BACE2: variants seen among roughly 807,000 people sequenced by gnomAD.
BACE2 encodes beta-secretase 2.
In BACE2, 17 loss-of-function variants were observed where a neutral mutation model predicts 46.2. The ratio of observed to expected loss-of-function variants is 0.37; its 90% CI spans 0.25 to 0.55. The LOEUF is 0.55. Ranked by LOEUF, BACE2 falls within the 20% of genes least tolerant of loss-of-function variation. The pLI, the probability that BACE2 is intolerant of heterozygous loss-of-function variation, is 0.82. For missense variants in BACE2, 595 were observed against 698.1 expected, an observed-to-expected ratio of 0.85 and a Z score of 1.66; for synonymous variants, 277 against 295.9, an observed-to-expected ratio of 0.94 and a Z score of 0.66.
At chr21:41,255,338 G>T (rs1355526929) in intron 7 of BACE2, among the ~76,000 whole-genome samples, 1 of 152,154 alleles carries the variant, frequency 6.6e-6, no homozygotes, top group Non-Finnish European at 1.5e-5. Context: ...GGGCCAGATG[G>T]GTCACCCAAG....
chr21:41,226,141 C>CT (rs57826923), intron 1 of BACE2, 125 bp from the exon 2 acceptor site: 75,876 of 701,038 alleles, frequency 0.11, 6,562 homozygotes, highest in African/African-American at 0.43. Context: ...CGTCAGTATA[C>CT]TTTTTTTTTG....
intron 7 of BACE2, among the ~76,000 whole-genome samples, chr21:41,256,635 T>C (rs1314790252): frequency 6.6e-6 from 1 of 152,172 alleles, no homozygotes; most frequent in Non-Finnish European, 1.5e-5. Flanking sequence ...AATTTTTAAT[T>C]TACCTCTAGC....
chr21:41,197,538 T>G (rs1197335615), intron 1 of BACE2, among the ~76,000 whole-genome samples: 2 of 152,164 alleles, frequency 1.3e-5, no homozygotes, highest in East Asian at 3.9e-4. Context: ...ACATCATTAG[T>G]TGATTTCTAC....
At chr21:41,267,789 G>T (rs1456883889) in intron 8 of BACE2, among the ~76,000 whole-genome samples, 1 of 152,044 alleles carries the variant, frequency 6.6e-6, no homozygotes, top group Non-Finnish European at 1.5e-5. Flanking sequence ...TCACATGGTT[G>T]CAGAAAAAAA....
chr21:41,269,417 A>C (rs940596021), intron 8 of BACE2, among the ~76,000 whole-genome samples: 2 of 152,174 alleles, frequency 1.3e-5, no homozygotes, highest in African/African-American at 2.4e-5. Context: ...TAAGTGTTAT[A>C]TGTGTGCGCA....
chr21:41,234,126 C>A (rs768546635), intron 2 of BACE2, among the ~76,000 whole-genome samples: 1 of 152,126 alleles, frequency 6.6e-6, no homozygotes, highest in Non-Finnish European at 1.5e-5. Context: ...ACACTGTCTT[C>A]GTGGCAGTGA....
At position 41,206,934 on chromosome 21, in the gene BACE2, AT is replaced by A. The variant is rs367579784; in HGVS notation, c.313-19331del. ...ATATGCCTTATCTCTTTCTTTTTTT[AT>A]GTTTATTTAAAATTGTGACAAAATT... is the stretch of plus-strand genomic sequence containing the variant. On this transcript the variant is annotated intron_variant, in intron 1 of 8. Transcript: ENST00000330333. Among the ~76,000 whole-genome samples the A allele has an allele frequency of 8.5e-4, 130 of 152,166 alleles. 3 individuals are homozygous for A. The South Asian group carries it at 0.017, about 20-fold the overall frequency.
chr21:41,243,944 C>T (rs78469201), intron 5 of BACE2, among the ~76,000 whole-genome samples: 43 of 152,170 alleles, frequency 2.8e-4, no homozygotes, highest in African/African-American at 1.0e-3. Context: ...GCTAGCCTGG[C>T]CCCCAGAGTA....
In BACE2 at chr21:41,169,449, GAA is replaced by G. The variant is rs34570194; in HGVS notation, c.312+891_312+892del. On this transcript the variant is annotated intron_variant, in intron 1 of 8. Transcript: ENST00000330333. ...CAAATGTTCCCAAGCACAGTGATCT[GAA>G]AAAAAAAAAAAAAAAATCCCAATTG... Among the ~76,000 whole-genome samples, 260 of 129,790 alleles carry G rather than the reference GAA, an allele frequency of 2.0e-3. 1 individual carries two copies. The highest frequency in any genetic ancestry group is 5.7e-3 in the Admixed American group (75 of 13,160). The allele number at this position is 129,790 out of a possible 152,430, so 85.1% of individuals were successfully genotyped here.
At chr21:41,221,090 G>T (rs984002239) in intron 1 of BACE2, among the ~76,000 whole-genome samples, 4 of 148,372 alleles carry the variant, frequency 2.7e-5, no homozygotes, top group Admixed American at 2.7e-4. Flanking sequence ...CATTGTTTTA[G>T]ATTCACTTCA....
intron 2 of BACE2, among the ~76,000 whole-genome samples, chr21:41,228,487 G>A (rs936280444): frequency 3.3e-5 from 5 of 152,226 alleles, no homozygotes; most frequent in African/African-American, 7.2e-5. Context: ...CATGGTGCCA[G>A]GCTCTCAGGC....
intron 8 of BACE2, among the ~76,000 whole-genome samples, chr21:41,265,101 T>G (rs972789976): frequency 6.6e-6 from 1 of 152,182 alleles, no homozygotes; most frequent in African/African-American, 2.4e-5. Flanking sequence ...GGCTAGGTAA[T>G]ATTTAGAAGG....
intron 4 of BACE2, among the ~76,000 whole-genome samples, chr21:41,242,818 T>G (rs780130983): frequency 2.6e-5 from 4 of 152,212 alleles, no homozygotes; most frequent in Non-Finnish European, 5.9e-5. Flanking sequence ...AAGAGAAACC[T>G]CCAAAGCATC....
rs960478108 is a variant in BACE2 at position 41,193,753 on chromosome 21, C to A, written c.312+25178C>A. On this transcript the variant is annotated intron_variant, in intron 1 of 8. Coordinates refer to ENST00000330333, the MANE Select transcript of BACE2 (RefSeq NM_012105.5). This position sits in a 1 kb window ranked among gnomAD's most constrained non-coding sequence, Gnocchi z 4.2. ...TGAGTCCGAGGACCCACTGGACCCA[C>A]TGTAAGTTGGACCTGAGCTAAAACT... is the stretch of plus-strand genomic sequence containing the variant. Among the ~76,000 whole-genome samples the A allele has an allele frequency of 1.3e-5, 2 of 152,160 alleles. No individual in the cohort carries two copies. The highest frequency in any genetic ancestry group is 2.4e-5 in the African/African-American group (1 of 41,418).
At chr21:41,187,339 T>C (rs1985415519) in intron 1 of BACE2, among the ~76,000 whole-genome samples, 1 of 152,196 alleles carries the variant, frequency 6.6e-6, no homozygotes, top group Non-Finnish European at 1.5e-5. Context: ...CACAGGTGCT[T>C]GCATTAGAGG....
intron 3 of BACE2, among the ~76,000 whole-genome samples, chr21:41,239,659 G>A (rs1399247148): frequency 6.6e-6 from 1 of 152,292 alleles, no homozygotes; most frequent in East Asian, 1.9e-4. Flanking sequence ...ATTGTGGCAT[G>A]AGCCACCGTG....
chr21:41,192,171 G>A (rs1459918115), intron 1 of BACE2, among the ~76,000 whole-genome samples: 2 of 152,212 alleles, frequency 1.3e-5, no homozygotes, highest in Non-Finnish European at 2.9e-5. Context: ...CCACTTTCGG[G>A]TGGTGCCTGC....
intron 1 of BACE2, among the ~76,000 whole-genome samples, chr21:41,174,941 G>T (rs1484708185): frequency 3.9e-5 from 6 of 152,178 alleles, no homozygotes; most frequent in Non-Finnish European, 7.3e-5. Flanking sequence ...CACCCCTTCT[G>T]TAATTTCCCT....
chr21:41,248,203 CA>C (rs2123613235), intron 6 of BACE2, among the ~76,000 whole-genome samples: 1 of 152,296 alleles, frequency 6.6e-6, no homozygotes, highest in South Asian at 2.1e-4. Context: ...GGAGGAAATC[CA>C]GACGCAAAAT....
Sources: gnomAD v4.1 joint callset for allele counts (sites outside exome capture counted in the v4.1 genomes callset) on GRCh38, gnomAD v4.1.1 for gene constraint, Gnocchi (gnomAD v3.1) non-coding constraint, MANE v1.5 for transcripts, NCBI Gene and HGNC (gene_info 2026-07-23, HGNC 2026-07-21) for gene names.